CDH5: variants seen among roughly 807,000 people sequenced by gnomAD.
CDH5 encodes the protein cadherin-5.
In CDH5, 28 loss-of-function variants were observed where a neutral mutation model predicts 62.0. The ratio of observed to expected loss-of-function variants is 0.45; its 90% CI spans 0.33 to 0.62. The LOEUF is 0.62. CDH5 is among the 20% of genes least tolerant of loss of function. The pLI is 0.02. For missense variants in CDH5, 940 were observed against 1,065.1 expected (o/e 0.88, Z 1.63); for synonymous variants, 464 against 445.8 (o/e 1.04, Z -0.52).
chr16:66,371,836 G>T (rs757421761), intron 1 of CDH5, among the ~76,000 whole-genome samples: 1 of 73,888 alleles, frequency 1.4e-5, no homozygotes, highest in Non-Finnish European at 2.7e-5. Context: ...CCCCCAGCTG[G>T]GTCCAGACTT....
intron 2 of CDH5, among the ~76,000 whole-genome samples, chr16:66,383,432 GA>G (rs1393295921): frequency 6.6e-6 from 1 of 152,104 alleles, no homozygotes; most frequent in Non-Finnish European, 1.5e-5. Flanking sequence ...GTCTAGGGAA[GA>G]AAAATTGAAG....
At chr16:66,386,584 G>T (rs1459927876) in intron 2 of CDH5, among the ~76,000 whole-genome samples, 1 of 152,096 alleles carries the variant, frequency 6.6e-6, no homozygotes, top group Non-Finnish European at 1.5e-5. Flanking sequence ...ATTATGGCCT[G>T]CAGCTCTATC....
In CDH5 at chr16:66,396,079, G is replaced by A. The variant is rs746395617; in HGVS notation, c.1238G>A (p.Ser413Asn). The change falls in exon 8 of 12, where the codon AGT becomes AAT. Residue 413 changes from serine (S) to asparagine (N), a missense_variant. Physicochemically the swap from Ser to Asn is conservative, Grantham distance 46. Coordinates refer to ENST00000341529, the MANE Select transcript of CDH5 (RefSeq NM_001795.5). ...HSIGYSIRRTSDKGQFFRVTK... is the reference protein window; with the variant it reads ...HSIGYSIRRTNDKGQFFRVTK... The stretch of plus-strand genomic sequence containing the variant: ...GGCAGATACTCCATCCGCAGGACCA[G>A]TGACAAGGGCCAGTTCTTCCGAGTC... The A allele has an allele frequency of 6.2e-7, 1 of 1,613,840 alleles. No homozygotes were observed. Among genetic ancestry groups the A allele is most frequent in the African/African-American group, 1.3e-5 (1 of 74,916 alleles).
At chr16:66,371,153 T>C (rs1382329996) in intron 1 of CDH5, among the ~76,000 whole-genome samples, 2 of 152,182 alleles carry the variant, frequency 1.3e-5, no homozygotes, top group Admixed American at 6.5e-5. Flanking sequence ...TCCCAAAGTC[T>C]GTGGCCGCCA....
intron 7 of CDH5, among the ~76,000 whole-genome samples, chr16:66,395,231 G>T (rs1330893522): frequency 6.7e-6 from 1 of 150,126 alleles, no homozygotes. Flanking sequence ...ATAATCCTCA[G>T]ATTATAAACA....
At chr16:66,386,662 C>T in intron 2 of CDH5, 147 bp from the exon 3 acceptor site, 1 of 644,010 alleles carries the variant, frequency 1.6e-6, no homozygotes, top group South Asian at 2.2e-5. Context: ...TAAAAAATCT[C>T]AGTATCATAT....
intron 10 of CDH5, among the ~76,000 whole-genome samples, chr16:66,400,532 CCTT>C (rs1961261355): frequency 6.6e-6 from 1 of 152,188 alleles, no homozygotes. Flanking sequence ...AAGGATTTGA[CCTT>C]CTTTCACCAA....
intron 1 of CDH5, among the ~76,000 whole-genome samples, chr16:66,369,980 T>TTTTGTTTG (rs58584593): frequency 1.1e-4 from 16 of 150,398 alleles, no homozygotes; most frequent in Non-Finnish European, 2.2e-4. Flanking sequence ...CTGGAGACTT[T>TTTTGTTTG]TTTGTTTGTT....
intron 1 of CDH5, among the ~76,000 whole-genome samples, chr16:66,369,748 A>G (rs1397472287): frequency 6.6e-6 from 1 of 152,210 alleles, no homozygotes; most frequent in African/African-American, 2.4e-5. Flanking sequence ...ACATCACAAA[A>G]TAGGTCTGGC....
intron 1 of CDH5, among the ~76,000 whole-genome samples, chr16:66,373,056 G>A (rs1311586487): frequency 1.3e-5 from 2 of 152,162 alleles, no homozygotes; most frequent in East Asian, 1.9e-4. Context: ...TCACCACTGT[G>A]ATCAGGCAGT....
At chr16:66,379,125 GTCCTAAAACCGACCT>G in intron 1 of CDH5, 179 bp from the exon 2 acceptor site, 1 of 552,978 alleles carries the variant, frequency 1.8e-6, no homozygotes, top group East Asian at 2.9e-5. Context: ...TACTCATGTT[GTCCTAAAACCGACCT>G]TTCATCCGAG....
At chr16:66,398,748 G>C (rs1247755665) in intron 10 of CDH5, among the ~76,000 whole-genome samples, 187 bp downstream of exon 10, 1 of 152,130 alleles carries the variant, frequency 6.6e-6, no homozygotes, top group Non-Finnish European at 1.5e-5. Context: ...AAGAACAAAT[G>C]CAGTCAGTTG....
intron 3 of CDH5, 135 bp from the exon 4 acceptor site, chr16:66,388,189 A>G (rs1165180209): frequency 6.2e-6 from 4 of 643,974 alleles, no homozygotes; most frequent in Non-Finnish European, 1.1e-5. Context: ...CTCAGAAAAC[A>G]AAACAGCCTT....
chr16:66,368,376 G>T (rs995171468), intron 1 of CDH5, among the ~76,000 whole-genome samples: 7 of 152,184 alleles, frequency 4.6e-5, no homozygotes, highest in Non-Finnish European at 1.5e-5. Context: ...ATGGTGGTGA[G>T]GGGTAGGGGA....
At chr16:66,372,605 C>T (rs1354231623) in intron 1 of CDH5, among the ~76,000 whole-genome samples, 1 of 152,184 alleles carries the variant, frequency 6.6e-6, no homozygotes, top group Non-Finnish European at 1.5e-5. Context: ...CCAGGTGACT[C>T]AGCCTTCGGA....
chr16:66,401,745 G>A (rs1022963232), intron 11 of CDH5, among the ~76,000 whole-genome samples: 6 of 152,204 alleles, frequency 3.9e-5, no homozygotes, highest in Non-Finnish European at 7.4e-5. Context: ...GGGAGGCAGC[G>A]TGGGGCCACC....
Position 66,403,083 on chromosome 16 carries a change from T to A in CDH5, c.2269T>A (p.Tyr757Asn). 1.2e-6 allele frequency: 2 copies of A among 1,613,862 alleles called. No homozygotes were observed. The highest frequency in any genetic ancestry group is 1.1e-5 in the South Asian group (1 of 91,020). The change falls in exon 12 of 12, where the codon TAC becomes AAC. Residue 757 changes from tyrosine (Y) to asparagine (N), a missense_variant. Physicochemically the swap from Tyr to Asn is moderately radical, Grantham distance 143. Coordinates refer to ENST00000341529, the MANE Select transcript of CDH5 (RefSeq NM_001795.5). This position sits in a 1 kb window ranked among gnomAD's most constrained non-coding sequence, Gnocchi z 4.3. Reference protein sequence around the residue: ...GTDSSDSDVDYDFLNDWGPRF... With the variant: ...GTDSSDSDVDNDFLNDWGPRF... ...CGACTCATCCGACTCTGACGTGGAT[T>A]ACGACTTCCTTAACGACTGGGGACC...
At chr16:66,393,559 A>G (rs1012028821) in intron 7 of CDH5, among the ~76,000 whole-genome samples, 1 of 152,146 alleles carries the variant, frequency 6.6e-6, no homozygotes, top group Non-Finnish European at 1.5e-5. Context: ...GAGCTAACCC[A>G]TTCATGAGAA....
intron 10 of CDH5, 61 bp downstream of exon 10, chr16:66,398,622 C>A: frequency 1.2e-6 from 1 of 865,596 alleles, no homozygotes; most frequent in East Asian, 2.5e-5. Context: ...GTCTCAGCTA[C>A]TCAGGAGGCT....
Sources: gnomAD v4.1 joint callset for allele counts (sites outside exome capture counted in the v4.1 genomes callset) on GRCh38, gnomAD v4.1.1 for gene constraint, Gnocchi (gnomAD v3.1) non-coding constraint, MANE v1.5 for transcripts, NCBI Gene and HGNC (gene_info 2026-07-23, HGNC 2026-07-21) for gene names.